The following FBN2 variants were observed in gnomAD, a reference collection of about 807,000 sequenced individuals.
The protein encoded by FBN2 is fibrillin 2.
Under a neutral mutation model 355.6 loss-of-function variants are expected in FBN2, and 105 were observed. That is an observed-to-expected ratio of 0.30 (90% CI 0.25 to 0.35). The LOEUF is 0.35. Ranked by LOEUF, FBN2 falls within the 10% of genes least tolerant of loss-of-function variation. The pLI is 1.00. For missense variants in FBN2, 3,280 were observed against 3,758.7 expected (o/e 0.87, Z 3.33); for synonymous variants, 1,350 against 1,301.2 (o/e 1.04, Z -0.81).
At chr5:128,262,227 A>G (rs1364965904) in intron 63 of FBN2, among the ~76,000 whole-genome samples, 1 of 151,664 alleles carries the variant, frequency 6.6e-6, no homozygotes, top group Non-Finnish European at 1.5e-5. Context: ...ATTTTTTTTA[A>G]TTTTCATGTT....
intron 63 of FBN2, 38 bp downstream of exon 63, chr5:128,263,387 T>C (rs370553062): frequency 1.3e-6 from 2 of 1,481,776 alleles, no homozygotes; most frequent in East Asian, 2.3e-5. Flanking sequence ...TCAGGAACCA[T>C]GTATTCCTCT....
At chr5:128,385,844 A>G (rs954048733) in intron 11 of FBN2, among the ~76,000 whole-genome samples, 4 of 152,044 alleles carry the variant, frequency 2.6e-5, no homozygotes, top group Non-Finnish European at 1.5e-5. Flanking sequence ...TCTTCTTTAG[A>G]GAAGTGTCTG....
intron 31 of FBN2, among the ~76,000 whole-genome samples, chr5:128,334,082 C>T (rs569376612): frequency 1.3e-5 from 2 of 151,914 alleles, no homozygotes; most frequent in African/African-American, 4.8e-5. Context: ...CACATCCTAG[C>T]CCCACCTGCA....
chr5:128,532,950 ATG>A (rs777847576), intron 2 of FBN2, among the ~76,000 whole-genome samples: 4 of 152,170 alleles, frequency 2.6e-5, no homozygotes, highest in Non-Finnish European at 4.4e-5. Flanking sequence ...TGAGGTCAGA[ATG>A]CAGCTTGAGC....
At chr5:128,436,370 T>C (rs913625278) in intron 7 of FBN2, among the ~76,000 whole-genome samples, 2 of 152,162 alleles carry the variant, frequency 1.3e-5, no homozygotes, top group Non-Finnish European at 2.9e-5. Flanking sequence ...CCTTCCCAAA[T>C]AGTTTATAAA....
At chr5:128,313,213 T>C (rs1040473072) in intron 36 of FBN2, among the ~76,000 whole-genome samples, 2 of 151,454 alleles carry the variant, frequency 1.3e-5, no homozygotes, top group African/African-American at 4.8e-5. Context: ...GCAACAAACT[T>C]AGAGAAGATA....
intron 5 of FBN2, among the ~76,000 whole-genome samples, chr5:128,484,596 A>G (rs1012893165): frequency 2.6e-5 from 4 of 152,248 alleles, no homozygotes; most frequent in Non-Finnish European, 4.4e-5. Context: ...TAAAACAACA[A>G]TGAGGTTTCA....
intron 54 of FBN2, 29 bp from the exon 55 acceptor site, chr5:128,286,878 A>T: frequency 6.2e-7 from 1 of 1,608,436 alleles, no homozygotes; most frequent in South Asian, 1.1e-5. Flanking sequence ...ATTAAAAATT[A>T]TCTGGAGCAA....
intron 11 of FBN2, among the ~76,000 whole-genome samples, chr5:128,388,703 C>T (rs1752430812): frequency 6.6e-6 from 1 of 152,170 alleles, no homozygotes; most frequent in Admixed American, 6.5e-5. Flanking sequence ...CTGAAAGGTC[C>T]ACTGTTATCC....
chr5:128,449,356 A>T (rs541261252), intron 6 of FBN2, among the ~76,000 whole-genome samples: 2 of 96,742 alleles, frequency 2.1e-5, no homozygotes, highest in Admixed American at 9.5e-5. Flanking sequence ...AGTATACTAT[A>T]TAGTATACTG....
intron 25 of FBN2, among the ~76,000 whole-genome samples, chr5:128,342,177 C>G (rs1450567901): frequency 6.6e-6 from 1 of 151,868 alleles, no homozygotes; most frequent in Admixed American, 6.6e-5. Flanking sequence ...CTCTGAGAGG[C>G]AAGACGCTGA....
intron 7 of FBN2, among the ~76,000 whole-genome samples, chr5:128,435,995 AGTTTT>A (rs1371209617): frequency 6.6e-6 from 1 of 152,188 alleles, no homozygotes; most frequent in Non-Finnish European, 1.5e-5. Flanking sequence ...CCATGTAAAC[AGTTTT>A]GTTTAGGTTG....
intron 19 of FBN2, among the ~76,000 whole-genome samples, chr5:128,360,613 A>T (rs1751615443): frequency 6.6e-6 from 1 of 152,002 alleles, no homozygotes; most frequent in Non-Finnish European, 1.5e-5. Flanking sequence ...CTCTGATTCA[A>T]TTCAAAGTTA....
chr5:128,414,279 A>G (rs764801614), intron 7 of FBN2, among the ~76,000 whole-genome samples: 1 of 152,116 alleles, frequency 6.6e-6, no homozygotes, highest in Non-Finnish European at 1.5e-5. Flanking sequence ...ATTAGCAATC[A>G]TTCCTCCTAT....
intron 46 of FBN2, among the ~76,000 whole-genome samples, chr5:128,301,909 T>A (rs1234321063): frequency 1.3e-5 from 2 of 152,180 alleles, no homozygotes; most frequent in Non-Finnish European, 2.9e-5. Context: ...GCTGAGCATA[T>A]TCAGAGAACA....
chr5:128,454,356 GT>G (rs752625580), intron 6 of FBN2, among the ~76,000 whole-genome samples: 37 of 152,248 alleles, frequency 2.4e-4, no homozygotes, highest in Non-Finnish European at 4.3e-4. Flanking sequence ...TTGCTTTAAA[GT>G]TTTTTAATTG....
chr5:128,328,539 C>T, intron 34 of FBN2, 157 bp downstream of exon 34: 2 of 806,676 alleles, frequency 2.5e-6, no homozygotes, highest in Non-Finnish European at 4.2e-6. Flanking sequence ...CATCATTATT[C>T]ATTCGGCAAA....
At chr5:128,312,040 A>C in intron 37 of FBN2, 87 bp from the exon 38 acceptor site, 1 of 875,692 alleles carries the variant, frequency 1.1e-6, no homozygotes. Context: ...TGACAGGCTC[A>C]ATATACTCAT....
At chr5:128,298,117 A>C (rs1581197786) in intron 48 of FBN2, among the ~76,000 whole-genome samples, 1 of 151,454 alleles carries the variant, frequency 6.6e-6, no homozygotes, top group East Asian at 1.9e-4. Flanking sequence ...GCTGGATATG[A>C]AATTCTGGGT....
Sources: allele counts gnomAD v4.1 joint callset (sites outside exome capture counted in the v4.1 genomes callset), GRCh38; gene constraint gnomAD v4.1.1; transcripts MANE v1.5; gene names NCBI Gene and HGNC (gene_info 2026-07-23, HGNC 2026-07-21).